Variants in RENBP observed in about 807,000 individuals in gnomAD.
The protein encoded by RENBP is N-acylglucosamine 2-epimerase.
RENBP carries 16 observed loss-of-function variants against 37.8 expected under a neutral mutation model. The observed-to-expected ratio is 0.42, with a 90% CI of 0.29 to 0.64. RENBP has a LOEUF of 0.64. Among genes scored for constraint, RENBP ranks in the 30% least tolerant of loss-of-function variants. The pLI, the probability that RENBP is intolerant of heterozygous loss-of-function variation, is 0.19. For synonymous variants in RENBP, 170 were observed against 154.8 expected (o/e 1.10, Z -0.73); for missense variants, 347 against 379.5 (o/e 0.91, Z 0.71).
intron 6 of RENBP, chrX:153,942,519 G>T: frequency 3.6e-6 from 1 of 275,169 alleles, no homozygotes; most frequent in South Asian, 7.2e-5. Flanking sequence ...TTACAGGCAC[G>T]AGCCACCGCG....
At position 153,943,049 on chromosome X, in the gene RENBP, C is replaced by A. The variant is rs1393872495; in HGVS notation, c.493G>T (p.Val165Phe). The change falls in exon 6 of 11, where the codon GTC becomes TTC. Residue 165 changes from valine (V) to phenylalanine (F), a missense_variant. Around this residue, in one of 3 missense-constraint regions of RENBP, gnomAD observed 244 missense variants for 279.4 expected, o/e 0.87. Coordinates refer to ENST00000393700, the MANE Select transcript of RENBP (RefSeq NM_002910.6). Reference protein sequence around the residue: ...TEAVEMMDQIVHWVQEDASGL... With the variant: ...TEAVEMMDQIFHWVQEDASGL... ...GACGCGTCCTCCTGCACCCAGTGGA[C>A]GATCTGATCCATCATCTCCACCGCT... 3 of 1,182,286 alleles carry A rather than the reference C, an allele frequency of 2.5e-6. No individual in the cohort carries two copies. Among genetic ancestry groups the A allele is most frequent in the Non-Finnish European group, 3.4e-6 (3 of 879,868 alleles).
chrX:153,943,459 G>C, intron 5 of RENBP, 87 bp downstream of exon 5: 2 of 964,936 alleles, frequency 2.1e-6, no homozygotes, highest in South Asian at 4.5e-5. Context: ...TCCATGGGAG[G>C]GGACTTGCGT....
Position 153,944,133 on chromosome X carries a change from G to C in RENBP, c.160C>G (p.Arg54Gly), listed in dbSNP as rs1557110166. The C allele has an allele frequency of 1.7e-6, 2 of 1,211,021 alleles. No individual in the cohort carries two copies. The highest frequency in any genetic ancestry group is 2.2e-6 in the Non-Finnish European group (2 of 895,188). The change falls in exon 3 of 11, where the codon CGC becomes GGC. Residue 54 changes from arginine (R) to glycine (G), a missense_variant. Transcript: ENST00000393700. ...AGGTCATCATACACCCGCCCCTCGCGGCCAAGGCACGTGAAGAAGCCCCTG... is the reference window on the plus strand; with the variant it reads ...AGGTCATCATACACCCGCCCCTCGCCGCCAAGGCACGTGAAGAAGCCCCTG... Reference protein sequence around the residue: ...EHGGFFTCLGREGRVYDDLKY... With the variant: ...EHGGFFTCLGGEGRVYDDLKY...
intron 8 of RENBP, 31 bp downstream of exon 8, chrX:153,941,447 G>C (rs1187719100): frequency 2.5e-6 from 3 of 1,204,875 alleles, no homozygotes; most frequent in Non-Finnish European, 2.2e-6. Context: ...AGAACAGCGT[G>C]GGTCACACAT....
intron 2 of RENBP, 48 bp downstream of exon 2, chrX:153,944,261 C>A (rs2065239968): frequency 8.5e-7 from 1 of 1,173,707 alleles, no homozygotes; most frequent in Non-Finnish European, 1.2e-6. Flanking sequence ...GAAGGGGCCT[C>A]AGGAAGGGCA....
intron 9 of RENBP, among the ~76,000 whole-genome samples, chrX:153,938,783 TTTTTTTTTTTTTG>T (rs1344503634): frequency 0.015 from 1,081 of 69,894 alleles, 39 homozygotes; most frequent in African/African-American, 0.084. Flanking sequence ...ATCTGTACTG[TTTTTTTTTTTTTG>T]TTTTTTTTTT....
At chrX:153,942,159 C>T in intron 6 of RENBP, 128 bp from the exon 7 acceptor site, 7 of 456,198 alleles carry the variant, frequency 1.5e-5, no homozygotes, top group Non-Finnish European at 2.7e-5. Flanking sequence ...GACCTGCTGG[C>T]TTGGGTGGGC....
chrX:153,938,797 T>G (rs1415577199), intron 9 of RENBP, among the ~76,000 whole-genome samples: 3 of 84,316 alleles, frequency 3.6e-5, no homozygotes, highest in African/African-American at 1.2e-4. Context: ...TTTTTTTTTG[T>G]TTTTTTTTTT....
intron 6 of RENBP, chrX:153,942,238 T>TTG: frequency 3.8e-6 from 1 of 263,704 alleles, no homozygotes; most frequent in Non-Finnish European, 6.1e-6. Flanking sequence ...TTGTTTTTTT[T>TTG]TTTTTTTTTT....
intron 7 of RENBP, 120 bp downstream of exon 7, chrX:153,941,830 A>C: frequency 1.3e-6 from 1 of 779,728 alleles, no homozygotes; most frequent in South Asian, 2.2e-5. Context: ...TGGGAAGCCC[A>C]TCCTCGCTCC....
chrX:153,942,782 G>T, intron 6 of RENBP, 73 bp downstream of exon 6: 3 of 872,290 alleles, frequency 3.4e-6, no homozygotes, highest in Non-Finnish European at 3.4e-6. Flanking sequence ...CAGGTGTGTC[G>T]AGCCCCAGGG....
intron 6 of RENBP, 180 bp from the exon 7 acceptor site, chrX:153,942,211 T>C (rs2065229972): frequency 3.0e-6 from 1 of 335,787 alleles, no homozygotes; most frequent in Admixed American, 5.3e-5. Context: ...ATTCACTCCC[T>C]TGGGCCTAGC....
rs868939472 is a variant in RENBP, at chrX:153,943,023, C to T, written c.519G>A (p.Ser173=). The T allele has an allele frequency of 2.7e-5, 33 of 1,202,850 alleles. No individual in the cohort carries two copies. In the Middle Eastern group the frequency reaches 1.8e-3, roughly 64 times the overall value. The change falls in exon 6 of 11, where the codon TCG becomes TCA. Residue 173 remains serine (S), a synonymous_variant. Transcript: ENST00000393700. ...QIVHWVQEDA[S]GLGRPQLQGA... ...CCTGGAGCTGGGGCCGGCCCAGTCCCGACGCGTCCTCCTGCACCCAGTGGA... is the reference window on the plus strand; with the variant it reads ...CCTGGAGCTGGGGCCGGCCCAGTCCTGACGCGTCCTCCTGCACCCAGTGGA...
At chrX:153,938,592 C>T (rs1456625216) in intron 9 of RENBP, among the ~76,000 whole-genome samples, 3 of 110,639 alleles carry the variant, frequency 2.7e-5, no homozygotes, top group Non-Finnish European at 5.7e-5. Context: ...GGTGCCATGC[C>T]CTTTCCTGTG....
rs782339814 is a variant in RENBP, at chrX:153,943,887, G to A, written c.289+8C>T. On this transcript the variant is annotated splice_region_variant and intron_variant, in intron 4 of 10. Transcript: ENST00000393700. The stretch of plus-strand genomic sequence containing the variant: ...TCACTGGGAGATGGGCAGGAAGGGG[G>A]CACCTACCTGCTTTTGCTGCGTCCA... The A allele has an allele frequency of 3.4e-6, 4 of 1,174,849 alleles. No homozygotes were observed. In the South Asian group the frequency reaches 7.4e-5, roughly 22 times the overall value.
At position 153,942,364 on chromosome X, in the gene RENBP, G is replaced by C. The variant is rs782642750; in HGVS notation, c.688-333C>G. The C allele has an allele frequency of 2.1e-5, 4 of 192,789 alleles. No homozygotes were observed. The East Asian group carries it at 5.0e-4, about 24-fold the overall frequency. 15.9% of individuals were successfully genotyped at this position (192,789 alleles called of 1,213,427 possible). A position where few individuals can be genotyped will look rare whatever the true frequency, so the allele number is the denominator to read the frequency against. Reference sequence around the variant, plus strand: ...CGATTCTCCTGCCTCAGCCTCCCTAGAGGCTGGGATTACAGGCATGCACCA... The same window carrying C: ...CGATTCTCCTGCCTCAGCCTCCCTACAGGCTGGGATTACAGGCATGCACCA... On this transcript the variant is annotated intron_variant, in intron 6 of 10. Transcript: ENST00000393700.
At chrX:153,939,816 A>G (rs1010688018) in intron 9 of RENBP, among the ~76,000 whole-genome samples, 1 of 108,365 alleles carries the variant, frequency 9.2e-6, no homozygotes, top group African/African-American at 3.4e-5. Context: ...CCCCATAGGA[A>G]AGAGCCCCCC....
chrX:153,944,591 G>A lies in RENBP; in HGVS notation c.20C>T (p.Ala7Val), dbSNP rs781916610. The change falls in exon 1 of 11, where the codon GCG becomes GTG. Residue 7 changes from alanine to valine, a missense_variant. By Grantham distance (64) the Ala-to-Val change is moderately conservative. Transcript: ENST00000393700. Reference sequence around the variant, plus strand: ...AAGCACCCCACCACTGGCCTGTCGCGCTGGGAGACCCTTGCTCATCCCTCC... The same window carrying A: ...AAGCACCCCACCACTGGCCTGTCGCACTGGGAGACCCTTGCTCATCCCTCC... Reference protein sequence around the residue: MSKGLPARQDMEKERET... With the variant: MSKGLPVRQDMEKERET... The A allele has an allele frequency of 2.6e-6, 3 of 1,165,360 alleles. No individual in the cohort carries two copies. The highest frequency in any genetic ancestry group is 2.6e-5 in the Admixed American group (1 of 38,607).
intron 9 of RENBP, chrX:153,935,988 A>G (rs5945378): frequency 0.26 from 53,340 of 203,520 alleles, 7,894 homozygotes; most frequent in East Asian, 0.67. Flanking sequence ...AATTAGCCGG[A>G]CGTGGTGGCA....
Sources: gnomAD v4.1 joint callset for allele counts (sites outside exome capture counted in the v4.1 genomes callset) on GRCh38, gnomAD v4.1.1 for gene constraint, gnomAD v4.1.1 regional missense constraint, MANE v1.5 for transcripts, NCBI Gene and HGNC (gene_info 2026-07-23, HGNC 2026-07-21) for gene names.